The following KIFC1 variants were observed in gnomAD, a reference collection of about 807,000 sequenced individuals.
The protein encoded by KIFC1 is kinesin family member C1.
KIFC1 carries 37 observed loss-of-function variants against 66.6 expected under a neutral mutation model. That is an observed-to-expected ratio of 0.56 (90% CI 0.43 to 0.73). The LOEUF (loss-of-function observed/expected upper bound fraction) is 0.73. Among genes scored for constraint, KIFC1 ranks in the 30% least tolerant of loss-of-function variants. The pLI, the probability that KIFC1 is intolerant of heterozygous loss-of-function variation, is 0.00. For synonymous variants in KIFC1, 325 were observed against 343.5 expected (o/e 0.95, Z 0.60); for missense variants, 721 against 859.8 (o/e 0.84, Z 2.02).
chr6:33,394,160 A>C (rs1481528529), intron 1 of KIFC1, among the ~76,000 whole-genome samples: 1 of 152,122 alleles, frequency 6.6e-6, no homozygotes, highest in Non-Finnish European at 1.5e-5. Flanking sequence ...ACATTGTCAA[A>C]TGTCACCTTG....
chr6:33,406,141 A>G lies in KIFC1; in HGVS notation c.1537-55A>G. 4.0e-6 allele frequency: 6 copies of G among 1,489,980 alleles called. No homozygotes were observed. The highest frequency in any genetic ancestry group is 1.3e-5 in the South Asian group (1 of 76,822). The allele number at this position is 1,489,980 out of a possible 1,614,324, so 92.3% of individuals were successfully genotyped here. Reference sequence around the variant, plus strand: ...TGGGCTCTTATTCATTTCCATACATATTACTATGTACTGACTTCTGCCTGC... The same window carrying G: ...TGGGCTCTTATTCATTTCCATACATGTTACTATGTACTGACTTCTGCCTGC... On this transcript the variant is annotated intron_variant, in intron 7 of 10. Coordinates refer to ENST00000428849, the MANE Select transcript of KIFC1 (RefSeq NM_002263.4). This position sits in a 1 kb window ranked among gnomAD's most constrained non-coding sequence, Gnocchi z 4.5.
intron 1 of KIFC1, among the ~76,000 whole-genome samples, chr6:33,393,428 C>T (rs1190380746): frequency 7.3e-6 from 1 of 137,850 alleles, no homozygotes; most frequent in Non-Finnish European, 1.5e-5. Context: ...ACCATAGCAC[C>T]ATTGCCTTTT....
Position 33,406,048 on chromosome 6 carries a change from C to A in KIFC1, c.1537-148C>A. ...ACTCCCTATTCTATGTATTCCTTAC[C>A]ATTTTCAGACATACTGTGCATCTTA... On this transcript the variant is annotated intron_variant, in intron 7 of 10. Coordinates refer to ENST00000428849, the MANE Select transcript of KIFC1 (RefSeq NM_002263.4). The surrounding 1 kb of genome is among the most constrained non-coding windows in gnomAD (Gnocchi z 4.5). 1 of 733,664 alleles carries A rather than the reference C, an allele frequency of 1.4e-6. No individual in the cohort carries two copies. The highest frequency in any genetic ancestry group is 2.2e-6 in the Non-Finnish European group (1 of 459,092). The allele number at this position is 733,664 out of a possible 1,614,324, so 45.4% of individuals were successfully genotyped here. A position where few individuals can be genotyped will look rare whatever the true frequency, so the allele number is the denominator to read the frequency against.
Position 33,398,384 on chromosome 6 carries a change from A to G in KIFC1, c.247A>G (p.Thr83Ala), listed in dbSNP as rs781332661. 2.4e-5 allele frequency: 38 copies of G among 1,610,916 alleles called. No individual in the cohort carries two copies. The highest frequency in any genetic ancestry group is 8.5e-6 in the Non-Finnish European group (10 of 1,177,284). Residue 83 changes from threonine to alanine, a missense_variant, in exon 3 of 11, where the codon ACA (threonine) becomes GCA (alanine). Coordinates refer to ENST00000428849, the MANE Select transcript of KIFC1 (RefSeq NM_002263.4). ...AGTGCCACAGACACAAGGCCAGACC[A>G]CAGGTGGGCTCTCAGGATGGATAGA... ...TTVPQTQGQT[T>A]AQKVSKKTGP...
Position 33,406,185 on chromosome 6 carries a change from C to G in KIFC1, c.1537-11C>G, listed in dbSNP as rs112471243. 7 of 1,595,526 alleles carry G rather than the reference C, an allele frequency of 4.4e-6. No homozygotes were observed. In the South Asian group the frequency reaches 4.5e-5, roughly 10 times the overall value. On this transcript the variant is annotated splice_polypyrimidine_tract_variant and intron_variant, in intron 7 of 10. Coordinates refer to ENST00000428849, the MANE Select transcript of KIFC1 (RefSeq NM_002263.4). This position sits in a 1 kb window ranked among gnomAD's most constrained non-coding sequence, Gnocchi z 4.5. ...TGCCTGCCTTTTTGCCCCTTCTGCT[C>G]CCATCCCCAGGTGGACGCCCTGCTT...
At position 33,404,602 on chromosome 6, in the gene KIFC1, T is replaced by C. The variant is rs1775546577; in HGVS notation, c.757-250T>C. On this transcript the variant is annotated intron_variant, in intron 6 of 10. Transcript: ENST00000428849. The surrounding 1 kb of genome is among the most constrained non-coding windows in gnomAD (Gnocchi z 4.0). ...CTTTGTATACTACATCCTTCCTTGGTTCACTCCTGTACTTCTGGGTGTCAC... is the reference window on the plus strand; with the variant it reads ...CTTTGTATACTACATCCTTCCTTGGCTCACTCCTGTACTTCTGGGTGTCAC... Among the ~76,000 whole-genome samples, 1 of 152,188 alleles carries C rather than the reference T, an allele frequency of 6.6e-6. No individual in the cohort carries two copies. Among genetic ancestry groups the C allele is most frequent in the African/African-American group, 2.4e-5 (1 of 41,444 alleles).
Position 33,406,574 on chromosome 6 carries a change from C to G in KIFC1, c.1828-18C>G. The G allele has an allele frequency of 6.2e-7, 1 of 1,613,946 alleles. No individual in the cohort carries two copies. On this transcript the variant is annotated intron_variant, in intron 8 of 10. Transcript: ENST00000428849. This position sits in a 1 kb window ranked among gnomAD's most constrained non-coding sequence, Gnocchi z 4.5. ...CCCTGCCTATTCCTAAACATCTGTC[C>G]CCACCTCAATCATCTAGGAGTCCCA...
In KIFC1 at chr6:33,404,731, C is replaced by T. The variant is rs1440646867; in HGVS notation, c.757-121C>T. ...TTATTTTCTCATCTTTCTTTGTTTA[C>T]CAGACTTTGAGGTCCTTTTGAGCAG... On this transcript the variant is annotated intron_variant, in intron 6 of 10. Transcript: ENST00000428849. This position sits in a 1 kb window ranked among gnomAD's most constrained non-coding sequence, Gnocchi z 4.0. 8.1e-6 allele frequency: 7 copies of T among 859,790 alleles called. 1 individual carries two copies. In the Admixed American group the frequency reaches 1.9e-4, roughly 23 times the overall value. The allele number at this position is 859,790 out of a possible 1,614,324, so 53.3% of individuals were successfully genotyped here.
In KIFC1 at chr6:33,403,247, C is replaced by A; in HGVS notation, c.251-67C>A. The A allele has an allele frequency of 7.1e-7, 1 of 1,404,522 alleles. No individual in the cohort carries two copies. The highest frequency in any genetic ancestry group is 1.0e-6 in the Non-Finnish European group (1 of 990,990). 87.0% of individuals were successfully genotyped at this position (1,404,522 alleles called of 1,614,324 possible). On this transcript the variant is annotated intron_variant, in intron 3 of 10. Coordinates refer to ENST00000428849, the MANE Select transcript of KIFC1 (RefSeq NM_002263.4). The surrounding 1 kb of genome is among the most constrained non-coding windows in gnomAD (Gnocchi z 4.6). Reference sequence around the variant, plus strand: ...GAAAAGCACTTCTTCTGCCCCTGTCCTAGCAAGTGTACATGCCATCTTAAG... The same window carrying A: ...GAAAAGCACTTCTTCTGCCCCTGTCATAGCAAGTGTACATGCCATCTTAAG...
chr6:33,400,084 C>T lies in KIFC1; in HGVS notation c.250+1697C>T. The stretch of plus-strand genomic sequence containing the variant: ...TTAACTAGCTGGGCATTCCACAGCA[C>T]CACTGTTGATGTCATCTATGATGTC... On this transcript the variant is annotated intron_variant, in intron 3 of 10. Coordinates refer to ENST00000428849, the MANE Select transcript of KIFC1 (RefSeq NM_002263.4). This position sits in a 1 kb window ranked among gnomAD's most constrained non-coding sequence, Gnocchi z 4.3. 1.3e-6 allele frequency: 1 copy of T among 765,048 alleles called. No homozygotes were observed. The highest frequency in any genetic ancestry group is 1.4e-5 in the South Asian group (1 of 73,826). The allele number at this position is 765,048 out of a possible 1,614,324, so 47.4% of individuals were successfully genotyped here. A position where few individuals can be genotyped will look rare whatever the true frequency, so the allele number is the denominator to read the frequency against.
intron 3 of KIFC1, 97 bp downstream of exon 3, chr6:33,398,484 A>G (rs959634352): frequency 1.0e-6 from 1 of 975,230 alleles, no homozygotes; most frequent in Non-Finnish European, 1.6e-6. Flanking sequence ...ATTTTTTTTG[A>G]GACAGAGTCT....
chr6:33,392,066 G>A (rs1774814392), intron 1 of KIFC1, 69 bp downstream of exon 1: 2 of 1,550,440 alleles, frequency 1.3e-6, no homozygotes, highest in African/African-American at 1.4e-5. Flanking sequence ...CGATGCTGTC[G>A]CGCCCCCGGC....
chr6:33,393,904 G>A (rs1393617369), intron 1 of KIFC1, among the ~76,000 whole-genome samples: 1 of 151,822 alleles, frequency 6.6e-6, no homozygotes, highest in Non-Finnish European at 1.5e-5. Context: ...CTGCCACCAC[G>A]CCCGGCTAAT....
In KIFC1 at chr6:33,403,430, G is replaced by A. The variant is rs1775477430; in HGVS notation, c.305-55G>A. On this transcript the variant is annotated intron_variant, in intron 4 of 10. Transcript: ENST00000428849. The surrounding 1 kb of genome is among the most constrained non-coding windows in gnomAD (Gnocchi z 4.6). ...GGGGTATGTGTAAAGGGAGAATGAT[G>A]GAGGTGGAGGGACACTGGTCCTGTA... 1 of 1,609,114 alleles carries A rather than the reference G, an allele frequency of 6.2e-7. No homozygotes were observed. The highest frequency in any genetic ancestry group is 1.7e-5 in the Admixed American group (1 of 60,028).
chr6:33,407,060 G>A (rs1436423505), intron 10 of KIFC1, 185 bp downstream of exon 10: 7 of 1,415,288 alleles, frequency 4.9e-6, no homozygotes, highest in South Asian at 1.6e-5. Context: ...TTTAAAAAAC[G>A]GGTGATTAAT....
Position 33,401,716 on chromosome 6 carries a change from T to C in KIFC1, c.251-1598T>C, listed in dbSNP as rs1000601597. 6.6e-6 allele frequency among the ~76,000 whole-genome samples: 1 copy of C among 151,874 alleles called. No individual in the cohort carries two copies. Among genetic ancestry groups the C allele is most frequent in the African/African-American group, 2.4e-5 (1 of 41,344 alleles). On this transcript the variant is annotated intron_variant, in intron 3 of 10. Transcript: ENST00000428849. This position sits in a 1 kb window ranked among gnomAD's most constrained non-coding sequence, Gnocchi z 4.5. ...TCTTCTGGATTGCCTTTTTTTTTTT[T>C]TTTGAGACGGAGTCTCGCACTGTCG...
chr6:33,399,974 C>T, intron 3 of KIFC1: 1 of 580,786 alleles, frequency 1.7e-6, no homozygotes, highest in Non-Finnish European at 3.1e-6. Context: ...CTTGCCAAGG[C>T]TGATGTAACA....
rs568297041 is a variant in KIFC1 at position 33,400,959 on chromosome 6, TG to T, written c.251-2354del. On this transcript the variant is annotated intron_variant, in intron 3 of 10. Transcript: ENST00000428849. The surrounding 1 kb of genome is among the most constrained non-coding windows in gnomAD (Gnocchi z 4.3). The stretch of plus-strand genomic sequence containing the variant: ...GAGCCACTGCGCCCGGCTAACTTTT[TG>T]ACTCTTGTAATAACAACTGAAAACA... 5.3e-4 allele frequency among the ~76,000 whole-genome samples: 81 copies of T among 152,086 alleles called. 1 individual carries two copies. The highest frequency in any genetic ancestry group is 2.6e-3 in the Admixed American group (39 of 15,286).
chr6:33,406,822 C>G lies in KIFC1; in HGVS notation c.1924C>G (p.Pro642Ala), dbSNP rs1775685668. ...TAGGCTCATGTTTGTGAACATTTCT[C>G]CACTGGAAGAGAACGTCTCCGAGTC... Reference protein sequence around the residue: ...AKMLMFVNISPLEENVSESLN... With the variant: ...AKMLMFVNISALEENVSESLN... Residue 642 changes from proline to alanine, a missense_variant, in exon 10 of 11, where the codon CCA becomes GCA. Coordinates refer to ENST00000428849, the MANE Select transcript of KIFC1 (RefSeq NM_002263.4). The surrounding 1 kb of genome is among the most constrained non-coding windows in gnomAD (Gnocchi z 4.5). 6.2e-7 allele frequency: 1 copy of G among 1,613,978 alleles called. No individual in the cohort carries two copies. Among genetic ancestry groups the G allele is most frequent in the Admixed American group, 1.7e-5 (1 of 59,994 alleles).
Sources: gnomAD v4.1 joint callset for allele counts (sites outside exome capture counted in the v4.1 genomes callset) on GRCh38, gnomAD v4.1.1 for gene constraint, Gnocchi (gnomAD v3.1) non-coding constraint, MANE v1.5 for transcripts, NCBI Gene and HGNC (gene_info 2026-07-23, HGNC 2026-07-21) for gene names.